TEX10: variants seen among roughly 807,000 people sequenced by gnomAD.
TEX10 encodes testis-expressed protein 10.
Under a neutral mutation model 104.4 loss-of-function variants are expected in TEX10, and 24 were observed. That is an observed-to-expected ratio of 0.23 (90% confidence interval 0.17 to 0.32). The LOEUF is 0.32. Ranked by LOEUF, TEX10 falls within the 10% of genes least tolerant of loss-of-function variation. TEX10 has a pLI of 1.00. For missense variants in TEX10, 921 were observed against 1,083.9 expected (o/e 0.85, Z 2.11); for synonymous variants, 396 against 393.4 (o/e 1.01, Z -0.08).
intron 1 of TEX10, 136 bp downstream of exon 1, chr9:100,352,636 G>T (rs1340189465): frequency 2.1e-6 from 3 of 1,458,372 alleles, no homozygotes; most frequent in Non-Finnish European, 2.7e-6. Context: ...GAGGGACGCC[G>T]CGGCCCAGAC....
At position 100,318,362 on chromosome 9, in the gene TEX10, C is replaced by T. The variant is rs571097983; in HGVS notation, c.2202+1903G>A. 2.6e-5 allele frequency among the ~76,000 whole-genome samples: 4 copies of T among 152,272 alleles called. No individual in the cohort carries two copies. In the South Asian group the frequency reaches 8.3e-4, roughly 32 times the overall value. On this transcript the variant is annotated intron_variant, in intron 11 of 14. Transcript: ENST00000374902. ...ATTATCTTAAGTGAAACAAGTCAGA[C>T]ACAGACAAATGGCGCATATTCTTGC...
intron 9 of TEX10, among the ~76,000 whole-genome samples, chr9:100,323,323 A>G (rs1834620058): frequency 6.6e-6 from 1 of 152,194 alleles, no homozygotes; most frequent in Non-Finnish European, 1.5e-5. Context: ...GGCCAAAAGG[A>G]GTAAAATGGA....
At chr9:100,325,420 C>T (rs987918872) in intron 9 of TEX10, among the ~76,000 whole-genome samples, 2 of 152,190 alleles carry the variant, frequency 1.3e-5, no homozygotes, top group Admixed American at 6.5e-5. Context: ...ACTTTGGAGT[C>T]CAAGGAGGGA....
At chr9:100,320,242 T>C (rs1335297707) in intron 11 of TEX10, 23 bp downstream of exon 11, 6 of 1,572,872 alleles carry the variant, frequency 3.8e-6, no homozygotes, top group Non-Finnish European at 5.2e-6. Flanking sequence ...TAATTATTAG[T>C]TTCTTTTTAA....
chr9:100,315,273 C>T (rs1264994471), intron 11 of TEX10, among the ~76,000 whole-genome samples: 5 of 152,062 alleles, frequency 3.3e-5, no homozygotes, highest in African/African-American at 9.7e-5. Flanking sequence ...CTGTAAGGTC[C>T]ACTTAGTCTA....
chr9:100,344,195 C>T (rs1317587880), intron 4 of TEX10, among the ~76,000 whole-genome samples: 2 of 152,120 alleles, frequency 1.3e-5, no homozygotes, highest in Non-Finnish European at 2.9e-5. Context: ...CAGCTTTATA[C>T]AGTATCTCAA....
chr9:100,340,193 A>T, intron 5 of TEX10, 64 bp downstream of exon 5: 1 of 971,060 alleles, frequency 1.0e-6, no homozygotes, highest in Non-Finnish European at 1.5e-6. Context: ...AAGGTTAATT[A>T]CTTCCTGATA....
At chr9:100,325,262 C>T (rs1834676307) in intron 9 of TEX10, among the ~76,000 whole-genome samples, 1 of 152,188 alleles carries the variant, frequency 6.6e-6, no homozygotes, top group Admixed American at 6.5e-5. Flanking sequence ...TCAGACCCTA[C>T]CCACAACCAG....
Position 100,352,901 on chromosome 9 carries a change from T to TCCTCACGCGGCCGCC in TEX10, c.-140_-139insGGCGGCCGCGTGAGG, listed in dbSNP as rs1444548421. 1.0e-6 allele frequency: 1 copy of TCCTCACGCGGCCGCC among 991,348 alleles called. No homozygotes were observed. The highest frequency in any genetic ancestry group is 1.7e-5 in the African/African-American group (1 of 57,324). The allele number at this position is 991,348 out of a possible 1,614,324, so 61.4% of individuals were successfully genotyped here. ...CGGAGCGTGTTTTCAAATAGCCTCG[T>TCCTCACGCGGCCGCC]CCTCACGCGGCCGCGTCTCCTTCCG... On this transcript the variant is annotated 5_prime_UTR_variant, in exon 1 of 15. Coordinates refer to ENST00000374902, the MANE Select transcript of TEX10 (RefSeq NM_017746.4).
chr9:100,345,531 T>C (rs1031425934), intron 4 of TEX10, among the ~76,000 whole-genome samples: 4 of 152,200 alleles, frequency 2.6e-5, no homozygotes, highest in Non-Finnish European at 5.9e-5. Context: ...ACTGTATTGA[T>C]TTAGCACCAA....
At chr9:100,317,810 A>G (rs1267508776) in intron 11 of TEX10, among the ~76,000 whole-genome samples, 1 of 152,230 alleles carries the variant, frequency 6.6e-6, no homozygotes, top group Non-Finnish European at 1.5e-5. Context: ...CCCGTTAAAA[A>G]GTAGACAAAA....
intron 9 of TEX10, among the ~76,000 whole-genome samples, chr9:100,325,913 G>GA (rs2118877108): frequency 6.6e-6 from 1 of 152,252 alleles, no homozygotes; most frequent in East Asian, 1.9e-4. Flanking sequence ...GATTACAAGT[G>GA]ATTCCTGGTC....
intron 11 of TEX10, among the ~76,000 whole-genome samples, chr9:100,311,024 A>G (rs1456864902): frequency 6.6e-6 from 1 of 152,168 alleles, no homozygotes. Flanking sequence ...TAACAACTTC[A>G]GCAGGTTCTC....
chr9:100,316,894 T>TAAAAAA (rs35651841), intron 11 of TEX10, among the ~76,000 whole-genome samples: 16 of 53,420 alleles, frequency 3.0e-4, no homozygotes, highest in East Asian at 6.7e-4. Context: ...TTATAATAGC[T>TAAAAAA]AAAAAAAAAA....
At chr9:100,331,415 C>A (rs936952025) in intron 5 of TEX10, among the ~76,000 whole-genome samples, 2 of 152,136 alleles carry the variant, frequency 1.3e-5, no homozygotes, top group South Asian at 2.1e-4. Context: ...CCAACCTGGG[C>A]AACAAAGAGA....
In TEX10 at chr9:100,352,348, G is replaced by A. The variant is rs548759502; in HGVS notation, c.-10+424C>T. On this transcript the variant is annotated intron_variant, in intron 1 of 14. Transcript: ENST00000374902. ...AACTCTCCCGCCTGGGCGACCAGAG[G>A]ACGGAACAGGGGACGCCAGCTCATC... is the stretch of plus-strand genomic sequence containing the variant. 5.2e-6 allele frequency: 8 copies of A among 1,550,626 alleles called. No homozygotes were observed. The South Asian group carries it at 6.0e-5, about 12-fold the overall frequency.
At chr9:100,347,963 A>G (rs567456748) in intron 2 of TEX10, among the ~76,000 whole-genome samples, 5 of 152,394 alleles carry the variant, frequency 3.3e-5, no homozygotes, top group South Asian at 4.1e-4. Context: ...ACAAATATTC[A>G]TAACAGCATT....
At chr9:100,338,701 A>G (rs1835074833) in intron 5 of TEX10, among the ~76,000 whole-genome samples, 1 of 152,116 alleles carries the variant, frequency 6.6e-6, no homozygotes, top group Non-Finnish European at 1.5e-5. Context: ...CATCCTGGCT[A>G]ATATGGTGAA....
Position 100,347,415 on chromosome 9 carries a change from A to G in TEX10, c.181-9T>C. On this transcript the variant is annotated splice_polypyrimidine_tract_variant and intron_variant, in intron 2 of 14. Coordinates refer to ENST00000374902, the MANE Select transcript of TEX10 (RefSeq NM_017746.4). ...ATCTGTGACAGCAAATCCTATAAAT[A>G]AAAATACAAATTTTAGATGTATACT... 6.5e-7 allele frequency: 1 copy of G among 1,541,934 alleles called. No individual in the cohort carries two copies.
Sources: allele counts gnomAD v4.1 joint callset (sites outside exome capture counted in the v4.1 genomes callset), GRCh38; gene constraint gnomAD v4.1.1; transcripts MANE v1.5; gene names NCBI Gene and HGNC (gene_info 2026-07-23, HGNC 2026-07-21).